Variants in EDIL3 observed in about 807,000 individuals in gnomAD.
EDIL3 encodes EGF like and discoidin domains 3, also known as EGF-like repeat and discoidin I-like domain-containing protein 3.
A neutral mutation model predicts 67.4 loss-of-function variants in EDIL3; 37 were observed. The observed-to-expected ratio is 0.55, with a 90% CI of 0.42 to 0.72. The LOEUF is 0.72. Among genes scored for constraint, EDIL3 ranks in the 30% least tolerant of loss-of-function variants. The pLI is 0.00. For synonymous variants in EDIL3, 195 were observed against 196.3 expected, an observed-to-expected ratio of 0.99 and a Z score of 0.05; for missense variants, 527 against 586.3, an observed-to-expected ratio of 0.90 and a Z score of 1.04.
intron 1 of EDIL3, among the ~76,000 whole-genome samples, chr5:84,312,060 CA>C (rs1300680814): frequency 6.6e-6 from 1 of 152,170 alleles, no homozygotes; most frequent in Non-Finnish European, 1.5e-5. Flanking sequence ...GGCCCGTTCT[CA>C]ATGAGCTGTT....
intron 3 of EDIL3, among the ~76,000 whole-genome samples, chr5:84,225,738 G>A (rs1580386048): frequency 6.6e-6 from 1 of 151,030 alleles, no homozygotes; most frequent in East Asian, 1.9e-4. Flanking sequence ...AATTATAATC[G>A]ACCCAACTCT....
chr5:84,145,216 A>G (rs1748271058), intron 4 of EDIL3, among the ~76,000 whole-genome samples: 1 of 152,110 alleles, frequency 6.6e-6, no homozygotes. Flanking sequence ...TGCCTAAAGG[A>G]GATATGGAAG....
intron 1 of EDIL3, among the ~76,000 whole-genome samples, chr5:84,364,449 G>A (rs1747686847): frequency 6.6e-6 from 1 of 152,086 alleles, no homozygotes; most frequent in South Asian, 2.1e-4. Context: ...ACCTACATGA[G>A]ATTGTGTATA....
intron 5 of EDIL3, among the ~76,000 whole-genome samples, chr5:84,126,702 T>C (rs1747875513): frequency 6.6e-6 from 1 of 152,120 alleles, no homozygotes; most frequent in African/African-American, 2.4e-5. Flanking sequence ...AGTCATCCAA[T>C]AATACAAATA....
intron 10 of EDIL3, among the ~76,000 whole-genome samples, chr5:83,948,144 A>G (rs1446147377): frequency 6.6e-6 from 1 of 151,794 alleles, no homozygotes; most frequent in African/African-American, 2.4e-5. Flanking sequence ...ATGGTCAAAT[A>G]GATTTTGGAT....
chr5:84,248,851 C>T (rs898945147), intron 2 of EDIL3, among the ~76,000 whole-genome samples: 19 of 152,108 alleles, frequency 1.2e-4, no homozygotes, highest in Admixed American at 8.5e-4. Context: ...CTCTTCATCC[C>T]GTTAGTTACC....
Position 83,970,484 on chromosome 5 carries a change from T to C in EDIL3, c.1138-7124A>G, listed in dbSNP as rs375302906. ...AATGTATCAATTACTGTTTTCATGATTGCATATTTTTGTATGGCTAAAAAG... is the reference window on the plus strand; with the variant it reads ...AATGTATCAATTACTGTTTTCATGACTGCATATTTTTGTATGGCTAAAAAG... On this transcript the variant is annotated intron_variant, in intron 9 of 10. Transcript: ENST00000296591. Among the ~76,000 whole-genome samples, 32 of 148,696 alleles carry C rather than the reference T, an allele frequency of 2.2e-4. 1 individual carries two copies. Among genetic ancestry groups the C allele is most frequent in the East Asian group, 2.0e-3 (10 of 5,078 alleles).
intron 1 of EDIL3, among the ~76,000 whole-genome samples, chr5:84,310,985 C>CT (rs915794372): frequency 1.9e-4 from 29 of 152,154 alleles, no homozygotes; most frequent in African/African-American, 6.7e-4. Context: ...TCTATCATGT[C>CT]TGTTTTTTTT....
intron 1 of EDIL3, among the ~76,000 whole-genome samples, chr5:84,378,110 T>A (rs1490565520): frequency 6.6e-6 from 1 of 152,156 alleles, no homozygotes; most frequent in East Asian, 1.9e-4. Flanking sequence ...AGAAGAAAAA[T>A]AATTTTAAAA....
At chr5:84,058,446 T>C (rs1250589260) in intron 9 of EDIL3, among the ~76,000 whole-genome samples, 3 of 152,108 alleles carry the variant, frequency 2.0e-5, no homozygotes, top group Admixed American at 6.6e-5. Context: ...GTTAAGAAGC[T>C]TCTGTGAAAC....
intron 10 of EDIL3, among the ~76,000 whole-genome samples, chr5:83,957,110 A>G (rs1744529344): frequency 6.6e-6 from 1 of 151,686 alleles, no homozygotes; most frequent in Non-Finnish European, 1.5e-5. Flanking sequence ...TTTGGAAAGC[A>G]GCCTCCGTTC....
intron 3 of EDIL3, among the ~76,000 whole-genome samples, chr5:84,199,780 A>G (rs569302861): frequency 2.0e-5 from 3 of 152,150 alleles, no homozygotes; most frequent in East Asian, 1.9e-4. Flanking sequence ...AGTGGTGGGC[A>G]GTAAAAGGAA....
intron 5 of EDIL3, among the ~76,000 whole-genome samples, chr5:84,129,301 A>AT (rs993799027): frequency 1.7e-4 from 26 of 152,194 alleles, no homozygotes; most frequent in African/African-American, 5.8e-4. Context: ...AGAGTTCTGG[A>AT]TTTTTTTAAC....
chr5:84,335,951 G>A (rs1746977078), intron 1 of EDIL3, among the ~76,000 whole-genome samples: 1 of 152,134 alleles, frequency 6.6e-6, no homozygotes, highest in South Asian at 2.1e-4. Flanking sequence ...GGAGGAAGGT[G>A]GAAAAGCAAA....
intron 10 of EDIL3, among the ~76,000 whole-genome samples, chr5:83,956,956 CTT>C (rs1433557421): frequency 1.3e-5 from 2 of 151,614 alleles, no homozygotes; most frequent in African/African-American, 4.8e-5. Flanking sequence ...GTCTTCTTAA[CTT>C]TAGTTTCAAT....
intron 9 of EDIL3, among the ~76,000 whole-genome samples, chr5:84,006,100 T>A (rs1259364094): frequency 6.7e-6 from 1 of 148,958 alleles, no homozygotes; most frequent in Non-Finnish European, 1.5e-5. Flanking sequence ...ATAATAATAA[T>A]AATAATAATA....
chr5:84,246,262 A>C (rs1744907790), intron 2 of EDIL3, among the ~76,000 whole-genome samples: 1 of 152,240 alleles, frequency 6.6e-6, no homozygotes, highest in Admixed American at 6.5e-5. Flanking sequence ...ACTGTGAGGC[A>C]AGCCGAGATT....
At chr5:84,030,400 G>A (rs767475779) in intron 9 of EDIL3, among the ~76,000 whole-genome samples, 44 of 152,058 alleles carry the variant, frequency 2.9e-4, no homozygotes, top group Non-Finnish European at 4.1e-4. Context: ...CGTTAAACAT[G>A]AGGTTAAATG....
chr5:84,312,213 C>T (rs1451264148), intron 1 of EDIL3, among the ~76,000 whole-genome samples: 6 of 143,936 alleles, frequency 4.2e-5, no homozygotes, highest in African/African-American at 5.2e-5. Context: ...CCCTCCCCGA[C>T]GGGGCGGCTG....
Sources: allele counts gnomAD v4.1 joint callset (sites outside exome capture counted in the v4.1 genomes callset), GRCh38; gene constraint gnomAD v4.1.1; transcripts MANE v1.5; gene names NCBI Gene and HGNC (gene_info 2026-07-23, HGNC 2026-07-21).